The following GPSM1 variants were observed in gnomAD, a reference collection of about 807,000 sequenced individuals.
The protein encoded by GPSM1 is G protein signaling modulator 1, also known as G protein-signaling modulator 1.
Under a neutral mutation model 70.5 loss-of-function variants are expected in GPSM1, and 48 were observed. That is an observed-to-expected ratio of 0.68 (90% CI 0.54 to 0.87). The LOEUF is 0.87. Ranked by LOEUF, GPSM1 falls within the 40% of genes least tolerant of loss-of-function variation. The pLI is 0.00. For synonymous variants in GPSM1, 416 were observed against 430.1 expected, an observed-to-expected ratio of 0.97 and a Z score of 0.41; for missense variants, 981 against 972.6, an observed-to-expected ratio of 1.01 and a Z score of -0.11.
chr9:136,345,967 G>A (rs1429735915), intron 9 of GPSM1, among the ~76,000 whole-genome samples: 8 of 152,198 alleles, frequency 5.3e-5, no homozygotes, highest in African/African-American at 1.7e-4. Context: ...GTGCCTGGCC[G>A]GATCCTGAAT....
At chr9:136,353,699 G>A (rs1407945161) in intron 11 of GPSM1, among the ~76,000 whole-genome samples, 3 of 152,224 alleles carry the variant, frequency 2.0e-5, no homozygotes, top group African/African-American at 7.2e-5. Context: ...TTTCCCAGGA[G>A]GGACCTTGCT....
chr9:136,356,738 C>G (rs537924049), intron 13 of GPSM1, among the ~76,000 whole-genome samples, 188 bp downstream of exon 13: 121 of 152,292 alleles, frequency 7.9e-4, no homozygotes, highest in Middle Eastern at 6.8e-3. Flanking sequence ...AGCCCTACTC[C>G]TGGGAACCCC....
chr9:136,340,905 G>T lies in GPSM1; in HGVS notation c.1119G>T (p.Met373Ile). 1 of 1,576,054 alleles carries T rather than the reference G, an allele frequency of 6.3e-7. No homozygotes were observed. Reference protein sequence around the residue: ...GDRHGELTARMNVAQLQLVLG... With the variant: ...GDRHGELTARINVAQLQLVLG... ...GCCATGGGGAGCTCACGGCCCGCATGAACGTGGCGCAGCTGCAGCTGGTGC... is the reference window on the plus strand; with the variant it reads ...GCCATGGGGAGCTCACGGCCCGCATTAACGTGGCGCAGCTGCAGCTGGTGC... The change falls in exon 9 of 14, where the codon ATG becomes ATT. Residue 373 changes from methionine to isoleucine, a missense_variant. By Grantham distance (10) the Met-to-Ile change is conservative (BLOSUM62 1). Coordinates refer to ENST00000440944, the MANE Select transcript of GPSM1 (RefSeq NM_001145638.3). This position sits in a 1 kb window ranked among gnomAD's most constrained non-coding sequence, Gnocchi z 7.3.
intron 6 of GPSM1, 54 bp downstream of exon 6, chr9:136,338,015 C>A: frequency 1.7e-6 from 2 of 1,201,960 alleles, no homozygotes; most frequent in Non-Finnish European, 2.4e-6. Flanking sequence ...GGGCTGGATG[C>A]CAGGCCAAGG....
rs1554768027 is a variant in GPSM1, at chr9:136,327,701, G to T, written c.6G>T (p.Ala2=). 1.7e-6 allele frequency: 2 copies of T among 1,143,094 alleles called. No individual in the cohort carries two copies. The highest frequency in any genetic ancestry group is 4.2e-5 in the South Asian group (1 of 23,646). 70.8% of individuals were successfully genotyped at this position (1,143,094 alleles called of 1,614,324 possible). A position where few individuals can be genotyped will look rare whatever the true frequency, so the allele number is the denominator to read the frequency against. M[A]GPAPPAADEL... The stretch of plus-strand genomic sequence containing the variant: ...CGCTCCCGCGTCCCCGACCCATGGC[G>T]GGCCCGGCCCCGCCCGCGGCCGACG... Residue 2 remains alanine, a synonymous_variant, in exon 1 of 14, where the codon GCG becomes GCT. Transcript: ENST00000440944.
chr9:136,356,354 T>C lies in GPSM1; in HGVS notation c.1625T>C (p.Met542Thr). ...TLEDRIAQPSMTASPQTEEFF... is the reference protein window; with the variant it reads ...TLEDRIAQPSTTASPQTEEFF... ...TGGCCCCCCGCAGCCCAGCCCTCGA[T>C]GACGGCCTCGCCCCAGACCGAGGAA... Residue 542 changes from methionine (M) to threonine (T), a missense_variant, in exon 13 of 14, where the codon ATG (methionine) becomes ACG (threonine). Transcript: ENST00000440944. The C allele has an allele frequency of 6.3e-7, 1 of 1,591,008 alleles. No homozygotes were observed. Among genetic ancestry groups the C allele is most frequent in the Non-Finnish European group, 8.6e-7 (1 of 1,166,854 alleles).
intron 9 of GPSM1, among the ~76,000 whole-genome samples, chr9:136,344,134 C>A (rs1314253475): frequency 7.0e-6 from 1 of 143,378 alleles, no homozygotes; most frequent in Non-Finnish European, 1.5e-5. Flanking sequence ...CAGGGAGGTG[C>A]GGACAGGAAC....
At position 136,341,008 on chromosome 9, in the gene GPSM1, T is replaced by TG; in HGVS notation, c.1207+16dup. The stretch of plus-strand genomic sequence containing the variant: ...TGAGGCCCAGGGTGAGTTCCAGGGT[T>TG]GTGGGGGGGTCTTGCTCCCCACAGG... On this transcript the variant is annotated intron_variant, in intron 9 of 13. Transcript: ENST00000440944. The surrounding 1 kb of genome is among the most constrained non-coding windows in gnomAD (Gnocchi z 6.7). The TG allele has an allele frequency of 6.4e-7, 1 of 1,564,164 alleles. No individual in the cohort carries two copies. Among genetic ancestry groups the TG allele is most frequent in the East Asian group, 2.4e-5 (1 of 41,996 alleles).
In GPSM1 at chr9:136,356,683, G is replaced by A. The variant is rs570825314; in HGVS notation, c.1821+133G>A. On this transcript the variant is annotated intron_variant, in intron 13 of 13. Coordinates refer to ENST00000440944, the MANE Select transcript of GPSM1 (RefSeq NM_001145638.3). ...CGGTCATGTTTGAGGGACTCCTGGG[G>A]GACTCAGCCAGTGTCACCACATGAC... 2.7e-5 allele frequency: 18 copies of A among 664,192 alleles called. No homozygotes were observed. In the East Asian group the frequency reaches 3.1e-4, roughly 11 times the overall value. The allele number at this position is 664,192 out of a possible 1,614,324, so 41.1% of individuals were successfully genotyped here. A position where few individuals can be genotyped will look rare whatever the true frequency, so the allele number is the denominator to read the frequency against.
intron 10 of GPSM1, among the ~76,000 whole-genome samples, chr9:136,349,192 T>C (rs1239775164): frequency 6.6e-6 from 1 of 152,262 alleles, no homozygotes; most frequent in East Asian, 1.9e-4. Flanking sequence ...GGCCCTGGGC[T>C]GGCCCTGTGC....
chr9:136,332,991 A>G (rs1230731197), intron 1 of GPSM1, among the ~76,000 whole-genome samples: 1 of 152,216 alleles, frequency 6.6e-6, no homozygotes, highest in East Asian at 1.9e-4. Context: ...CCTGGGCAAC[A>G]GAGCAAGACC....
Position 136,341,606 on chromosome 9 carries a change from G to A in GPSM1, c.1207+613G>A. The A allele has an allele frequency of 9.8e-7, 1 of 1,016,202 alleles. No individual in the cohort carries two copies. The highest frequency in any genetic ancestry group is 1.2e-6 in the Non-Finnish European group (1 of 848,170). The allele number at this position is 1,016,202 out of a possible 1,614,324, so 62.9% of individuals were successfully genotyped here. A position where few individuals can be genotyped will look rare whatever the true frequency, so the allele number is the denominator to read the frequency against. On this transcript the variant is annotated intron_variant, in intron 9 of 13. Coordinates refer to ENST00000440944, the MANE Select transcript of GPSM1 (RefSeq NM_001145638.3). This position sits in a 1 kb window ranked among gnomAD's most constrained non-coding sequence, Gnocchi z 6.7. ...GGCCGACTTCCTGAGGTGGCTGGCAGGTGGGTGAGGGGCAGGCTTGGGGGG... is the reference window on the plus strand; with the variant it reads ...GGCCGACTTCCTGAGGTGGCTGGCAAGTGGGTGAGGGGCAGGCTTGGGGGG...
Position 136,349,596 on chromosome 9 carries a change from G to A in GPSM1, c.1288G>A (p.Gly430Arg). The change falls in exon 11 of 14, where the codon GGA becomes AGA. Residue 430 changes from glycine (G) to arginine (R), a missense_variant. Gly to Arg is a moderately radical substitution (Grantham distance 125). Coordinates refer to ENST00000440944, the MANE Select transcript of GPSM1 (RefSeq NM_001145638.3). ...LRLPLEREQN[G>R]DSHHSGDWRG... is the part of the protein sequence containing the mutation. ...CCTTACCCCTCCCCAGGAGCAGAAT[G>A]GAGACAGCCACCATTCAGGGGACTG... 1.3e-6 allele frequency: 2 copies of A among 1,550,198 alleles called. No homozygotes were observed. The highest frequency in any genetic ancestry group is 1.7e-6 in the Non-Finnish European group (2 of 1,146,722).
chr9:136,353,829 C>G (rs1344073894), intron 11 of GPSM1, among the ~76,000 whole-genome samples: 2 of 152,140 alleles, frequency 1.3e-5, no homozygotes, highest in Non-Finnish European at 2.9e-5. Context: ...GACCAGGAGG[C>G]CACATCCTCC....
intron 1 of GPSM1, among the ~76,000 whole-genome samples, chr9:136,333,480 G>A (rs1391521792): frequency 6.6e-6 from 1 of 152,236 alleles, no homozygotes; most frequent in Non-Finnish European, 1.5e-5. Context: ...CAGGGTGGGG[G>A]TCCCTCGGTG....
intron 9 of GPSM1, among the ~76,000 whole-genome samples, chr9:136,347,412 A>G (rs28718234): frequency 0.15 from 22,859 of 151,870 alleles, 1,812 homozygotes; most frequent in East Asian, 0.28. Context: ...AAGACTGGGT[A>G]AGGGTGGGCA....
Position 136,337,831 on chromosome 9 carries a change from G to T in GPSM1, c.703-15G>T. 6.3e-7 allele frequency: 1 copy of T among 1,591,256 alleles called. No individual in the cohort carries two copies. Among genetic ancestry groups the T allele is most frequent in the East Asian group, 2.2e-5 (1 of 44,722 alleles). ...GCTGCGCCATGACCACCTGGCCTCC[G>T]GTGTGTCTCCGCAGCGCCTGGCCAT... On this transcript the variant is annotated splice_polypyrimidine_tract_variant and intron_variant, in intron 5 of 13. Coordinates refer to ENST00000440944, the MANE Select transcript of GPSM1 (RefSeq NM_001145638.3).
In GPSM1 at chr9:136,355,865, C is replaced by A. The variant is rs762661240; in HGVS notation, c.1612+19C>A. The A allele has an allele frequency of 3.1e-6, 5 of 1,589,770 alleles. No individual in the cohort carries two copies. The Middle Eastern group carries it at 5.2e-4, about 165-fold the overall frequency. On this transcript the variant is annotated intron_variant, in intron 12 of 13. Transcript: ENST00000440944. ...AGGATCGGTGAGTGCCCCCCTCAGCCGGGCCCTCCCTTGGGCTTGTCTGCA... is the reference window on the plus strand; with the variant it reads ...AGGATCGGTGAGTGCCCCCCTCAGCAGGGCCCTCCCTTGGGCTTGTCTGCA...
At chr9:136,339,416 C>G (rs575229571) in intron 7 of GPSM1, among the ~76,000 whole-genome samples, 3 of 152,250 alleles carry the variant, frequency 2.0e-5, no homozygotes, top group African/African-American at 7.2e-5. Context: ...CAGAAACTGC[C>G]CGCAAAGGCA....
Sources: gnomAD v4.1 joint callset for allele counts (sites outside exome capture counted in the v4.1 genomes callset) on GRCh38, gnomAD v4.1.1 for gene constraint, Gnocchi (gnomAD v3.1) non-coding constraint, MANE v1.5 for transcripts, NCBI Gene and HGNC (gene_info 2026-07-23, HGNC 2026-07-21) for gene names.